NKAIN2: variants seen among roughly 807,000 people sequenced by gnomAD.
The protein encoded by NKAIN2 is sodium/potassium transporting ATPase interacting 2, also known as sodium/potassium-transporting ATPase subunit beta-1-interacting protein 2.
In NKAIN2, 14 loss-of-function variants were observed where a neutral mutation model predicts 32.6. That is an observed-to-expected ratio of 0.43 (90% CI 0.28 to 0.67). The LOEUF is 0.67. NKAIN2 is among the 30% of genes least tolerant of loss of function. The pLI, the probability that NKAIN2 is intolerant of heterozygous loss-of-function variation, is 0.17. For missense variants in NKAIN2, 198 were observed against 258.3 expected (o/e 0.77, Z 1.60); for synonymous variants, 80 against 87.2 (o/e 0.92, Z 0.46).
rs546774264 is a variant in NKAIN2 at position 124,348,997 on chromosome 6, A to G, written c.193-6270A>G. On this transcript the variant is annotated intron_variant, in intron 2 of 6. Transcript: ENST00000368417. The stretch of plus-strand genomic sequence containing the variant: ...TGCCCAGGGAGTCTCGCTGATTGCT[A>G]GCAGTTGTTTTTAAGACAAGATTTG... Among the ~76,000 whole-genome samples the G allele has an allele frequency of 2.0e-4, 30 of 152,254 alleles. No individual in the cohort carries two copies. The South Asian group carries it at 5.6e-3, about 28-fold the overall frequency.
intron 3 of NKAIN2, among the ~76,000 whole-genome samples, chr6:124,448,599 C>T (rs964288883): frequency 1.3e-5 from 2 of 152,124 alleles, no homozygotes; most frequent in African/African-American, 4.8e-5. Flanking sequence ...TTTGGTTATA[C>T]TTCCACAGGA....
rs139147880 is a variant in NKAIN2 at position 124,278,320 on chromosome 6, C to T, written c.55-4685C>T. On this transcript the variant is annotated intron_variant, in intron 1 of 6. Transcript: ENST00000368417. ...TAACAAAGTATGAACTTAATTGGGC[C>T]CAGTTTTCTCATGTGTAAATTGAGG... Among the ~76,000 whole-genome samples, 201 of 151,832 alleles carry T rather than the reference C, an allele frequency of 1.3e-3. 2 individuals are homozygous for T. The highest frequency in any genetic ancestry group is 4.5e-3 in the African/African-American group (186 of 41,444).
rs559657971 is a variant in NKAIN2, at chr6:124,000,979, G to C, written c.54+196725G>C. On this transcript the variant is annotated intron_variant, in intron 1 of 6. Coordinates refer to ENST00000368417, the MANE Select transcript of NKAIN2 (RefSeq NM_001040214.3). ...AGCTTGTTCACCATTGACGTGAATG[G>C]TAGATCACCAACACTCACCACAAAG... 4.6e-4 allele frequency among the ~76,000 whole-genome samples: 70 copies of C among 152,072 alleles called. 1 individual carries two copies. The highest frequency in any genetic ancestry group is 6.8e-3 in the Middle Eastern group (2 of 294).
intron 1 of NKAIN2, among the ~76,000 whole-genome samples, chr6:124,063,459 G>T (rs1250119758): frequency 6.6e-6 from 1 of 152,068 alleles, no homozygotes; most frequent in African/African-American, 2.4e-5. Context: ...GATCACTGAT[G>T]AGACTACTAG....
intron 1 of NKAIN2, among the ~76,000 whole-genome samples, chr6:123,999,826 T>C (rs1779796827): frequency 6.6e-6 from 1 of 152,076 alleles, no homozygotes; most frequent in South Asian, 2.1e-4. Context: ...AATATTAGAC[T>C]TAATTTGGCA....
chr6:123,985,978 T>C (rs987360208), intron 1 of NKAIN2, among the ~76,000 whole-genome samples: 1 of 152,200 alleles, frequency 6.6e-6, no homozygotes, highest in African/African-American at 2.4e-5. Context: ...AGAGGGGATA[T>C]TGTTATCTTT....
intron 3 of NKAIN2, among the ~76,000 whole-genome samples, chr6:124,406,786 T>A (rs1441438739): frequency 6.6e-6 from 1 of 152,178 alleles, no homozygotes; most frequent in African/African-American, 2.4e-5. Flanking sequence ...CATGTAGTGC[T>A]ATATAATTGT....
At chr6:124,616,770 T>C (rs1047595396) in intron 3 of NKAIN2, among the ~76,000 whole-genome samples, 1 of 152,164 alleles carries the variant, frequency 6.6e-6, no homozygotes, top group Admixed American at 6.5e-5. Context: ...GCCATCTTTC[T>C]GGGTAAAACT....
intron 4 of NKAIN2, among the ~76,000 whole-genome samples, chr6:124,754,333 C>T (rs1562364617): frequency 6.6e-6 from 1 of 152,120 alleles, no homozygotes; most frequent in Non-Finnish European, 1.5e-5. Context: ...GAGTTCATCA[C>T]ATCCTTTAAT....
intron 2 of NKAIN2, among the ~76,000 whole-genome samples, chr6:124,321,905 G>A (rs1797210433): frequency 6.6e-6 from 1 of 152,088 alleles, no homozygotes; most frequent in South Asian, 2.1e-4. Flanking sequence ...ACTATTACTT[G>A]AAATGGAAAT....
At chr6:124,346,900 A>C (rs9401733) in intron 2 of NKAIN2, among the ~76,000 whole-genome samples, 130,306 of 151,554 alleles carry the variant, frequency 0.86, 56,381 homozygotes, top group African/African-American at 0.96. Context: ...GTGATTTTGC[A>C]CATTAGTTGA....
chr6:123,967,830 A>G lies in NKAIN2; in HGVS notation c.54+163576A>G, dbSNP rs1479943381. Among the ~76,000 whole-genome samples, 3 of 152,100 alleles carry G rather than the reference A, an allele frequency of 2.0e-5. No homozygotes were observed. The East Asian group carries it at 5.8e-4, about 29-fold the overall frequency. On this transcript the variant is annotated intron_variant, in intron 1 of 6. Transcript: ENST00000368417. ...CCTTCTTTGTTCCTCCACTTCGATT[A>G]TGTACAAACTCCCTTAAGGTATTAA...
At chr6:124,675,285 T>G (rs1773298607) in intron 4 of NKAIN2, among the ~76,000 whole-genome samples, 1 of 152,066 alleles carries the variant, frequency 6.6e-6, no homozygotes, top group South Asian at 2.1e-4. Context: ...TGAAGATGTT[T>G]TTGTTTTGCT....
intron 3 of NKAIN2, among the ~76,000 whole-genome samples, chr6:124,406,606 A>G (rs1180346151): frequency 1.3e-5 from 2 of 152,056 alleles, no homozygotes; most frequent in Non-Finnish European, 2.9e-5. Flanking sequence ...CCAGTGGTAT[A>G]ATGGCTGGAT....
rs541056604 is a variant in NKAIN2, at chr6:123,896,409, T to C, written c.54+92155T>C. Among the ~76,000 whole-genome samples the C allele has an allele frequency of 3.3e-5, 5 of 152,330 alleles. No individual in the cohort carries two copies. In the East Asian group the frequency reaches 9.6e-4, roughly 29 times the overall value. Reference sequence around the variant, plus strand: ...TATATCACCAACCTGTTTAATTTTTTTTAAAAGACATATTCAAGTCAGTAT... The same window carrying C: ...TATATCACCAACCTGTTTAATTTTTCTTAAAAGACATATTCAAGTCAGTAT... On this transcript the variant is annotated intron_variant, in intron 1 of 6. Transcript: ENST00000368417.
chr6:123,923,410 C>T (rs1338730959), intron 1 of NKAIN2, among the ~76,000 whole-genome samples: 1 of 151,712 alleles, frequency 6.6e-6, no homozygotes, highest in African/African-American at 2.4e-5. Context: ...TAAAGAAAGC[C>T]TTTGTTGCAT....
At chr6:123,911,797 A>ATG (rs1457542667) in intron 1 of NKAIN2, among the ~76,000 whole-genome samples, 5 of 103,336 alleles carry the variant, frequency 4.8e-5, no homozygotes, top group African/African-American at 2.4e-4. Flanking sequence ...ATATATATAT[A>ATG]TATGTATATA....
At chr6:124,302,622 T>C (rs1796334683) in intron 2 of NKAIN2, among the ~76,000 whole-genome samples, 1 of 152,144 alleles carries the variant, frequency 6.6e-6, no homozygotes, top group Non-Finnish European at 1.5e-5. Flanking sequence ...GAAAACTAAT[T>C]AAAGCAAAAC....
intron 4 of NKAIN2, among the ~76,000 whole-genome samples, chr6:124,684,221 C>A (rs1030377939): frequency 6.6e-6 from 1 of 152,100 alleles, no homozygotes; most frequent in African/African-American, 2.4e-5. Flanking sequence ...TTGCATGAAT[C>A]TGTTGAAGAT....
Sources: allele counts gnomAD v4.1 joint callset (sites outside exome capture counted in the v4.1 genomes callset), GRCh38; gene constraint gnomAD v4.1.1; transcripts MANE v1.5; gene names NCBI Gene and HGNC (gene_info 2026-07-23, HGNC 2026-07-21).